KMT2E: variants seen among roughly 807,000 people sequenced by gnomAD.
KMT2E encodes histone reader KMT2E.
In KMT2E, 30 loss-of-function variants were observed where a neutral mutation model predicts 184.6. That is an observed-to-expected ratio of 0.16 (90% CI 0.12 to 0.22). KMT2E has a LOEUF of 0.22. Ranked by LOEUF, KMT2E falls within the 10% of genes least tolerant of loss-of-function variation. The pLI, the probability that KMT2E is intolerant of heterozygous loss-of-function variation, is 1.00. For synonymous variants in KMT2E, 815 were observed against 776.5 expected (o/e 1.05, Z -0.82); for missense variants, 2,023 against 2,237.4 (o/e 0.90, Z 1.93).
In KMT2E at chr7:105,113,293, C is replaced by CAACA; in HGVS notation, c.5538_5541dup (p.Phe1848AsnfsTer22). ...CCAATTCACAGAGCACAGGTGCCAC[C>CAACA]AACATTTCAAAACAATTACCATGGG... is the stretch of plus-strand genomic sequence containing the variant. On this transcript the variant is annotated frameshift_variant, in exon 27 of 27. Coordinates refer to ENST00000311117, the MANE Select transcript of KMT2E (RefSeq NM_182931.3). LOFTEE classifies it high-confidence loss of function. 2 of 1,613,420 alleles carry CAACA rather than the reference C, an allele frequency of 1.2e-6. No homozygotes were observed. The highest frequency in any genetic ancestry group is 8.5e-7 in the Non-Finnish European group (1 of 1,179,434).
chr7:105,106,074 T>C (rs1798886274), intron 19 of KMT2E, 71 bp downstream of exon 19: 2 of 1,370,882 alleles, frequency 1.5e-6, no homozygotes, highest in Non-Finnish European at 2.0e-6. Context: ...ATAACAGGCA[T>C]ATTTCTAGTT....
chr7:105,064,153 T>C (rs1329825030), intron 5 of KMT2E: 136 of 302,886 alleles, frequency 4.5e-4, no homozygotes, highest in Non-Finnish European at 6.2e-4. Context: ...TTGTATCATT[T>C]TTTTTTCTTG....
In KMT2E at chr7:105,113,524, G is replaced by A. The variant is rs1455417854; in HGVS notation, c.*191G>A. On this transcript the variant is annotated 3_prime_UTR_variant, in exon 27 of 27. Coordinates refer to ENST00000311117, the MANE Select transcript of KMT2E (RefSeq NM_182931.3). ...AAAATGTGCTGTTAAGCCAGTATTA[G>A]GTATCTTTATTTTGTAAGTGAACAT... 1.5e-5 allele frequency: 8 copies of A among 543,016 alleles called. No individual in the cohort carries two copies. Among genetic ancestry groups the A allele is most frequent in the Middle Eastern group, 5.1e-4 (1 of 1,964 alleles). The allele number at this position is 543,016 out of a possible 1,614,324, so 33.6% of individuals were successfully genotyped here. A position where few individuals can be genotyped will look rare whatever the true frequency, so the allele number is the denominator to read the frequency against.
At chr7:105,053,312 G>A (rs1156700703) in intron 3 of KMT2E, among the ~76,000 whole-genome samples, 1 of 151,966 alleles carries the variant, frequency 6.6e-6, no homozygotes, top group Non-Finnish European at 1.5e-5. Flanking sequence ...GAGACATAAC[G>A]TAGGAAGAGA....
chr7:105,048,539 C>T (rs1796197560), intron 3 of KMT2E, among the ~76,000 whole-genome samples: 1 of 150,030 alleles, frequency 6.7e-6, no homozygotes, highest in Non-Finnish European at 1.5e-5. Flanking sequence ...TACATTTTCT[C>T]ATTTTTAAAT....
intron 18 of KMT2E, 30 bp downstream of exon 18, chr7:105,105,723 G>C (rs1798870554): frequency 1.3e-6 from 2 of 1,584,332 alleles, no homozygotes; most frequent in Non-Finnish European, 1.7e-6. Context: ...TAAAAATGTA[G>C]AATGAGCCAA....
At chr7:105,107,283 T>G in intron 21 of KMT2E, 61 bp downstream of exon 21, 1 of 1,508,502 alleles carries the variant, frequency 6.6e-7, no homozygotes, top group Non-Finnish European at 9.0e-7. Flanking sequence ...TTGTTTTCCT[T>G]AAATTACTGG....
chr7:105,026,542 T>C (rs928293359), intron 1 of KMT2E, among the ~76,000 whole-genome samples: 2 of 152,214 alleles, frequency 1.3e-5, no homozygotes, highest in Non-Finnish European at 2.9e-5. Flanking sequence ...AACTGATGAT[T>C]GTGTTGGTTA....
intron 12 of KMT2E, among the ~76,000 whole-genome samples, chr7:105,079,954 T>C (rs1797692268): frequency 6.6e-6 from 1 of 151,864 alleles, no homozygotes; most frequent in Non-Finnish European, 1.5e-5. Flanking sequence ...AGTTATCTTC[T>C]CACCTCAGAC....
In KMT2E at chr7:105,111,899, C is replaced by T; in HGVS notation, c.4143C>T (p.Asp1381=). 6.2e-7 allele frequency: 1 copy of T among 1,614,162 alleles called. No homozygotes were observed. The highest frequency in any genetic ancestry group is 8.5e-7 in the Non-Finnish European group (1 of 1,180,022). ...KIFTKPDPQW[D]STVSASEAEN... ...TCACAAAACCAGATCCCCAATGGGACTCCACAGTTAGTGCATCCGAAGCTG... is the reference window on the plus strand; with the variant it reads ...TCACAAAACCAGATCCCCAATGGGATTCCACAGTTAGTGCATCCGAAGCTG... Residue 1381 remains aspartate (D), a synonymous_variant, in exon 27 of 27, where the codon GAC becomes GAT. Transcript: ENST00000311117.
intron 3 of KMT2E, 132 bp from the exon 4 acceptor site, chr7:105,062,032 T>A: frequency 1.6e-6 from 1 of 635,800 alleles, no homozygotes. Flanking sequence ...CTATAGTGTA[T>A]CCACCTGCTG....
chr7:105,019,188 T>C (rs1779589818), intron 1 of KMT2E, among the ~76,000 whole-genome samples: 1 of 152,186 alleles, frequency 6.6e-6, no homozygotes, highest in Admixed American at 6.5e-5. Context: ...TTCATATCTT[T>C]AAGGATAAAA....
At chr7:105,043,686 A>G (rs548249238) in intron 3 of KMT2E, among the ~76,000 whole-genome samples, 25 of 152,220 alleles carry the variant, frequency 1.6e-4, no homozygotes, top group South Asian at 2.1e-4. Context: ...TATCAAATAG[A>G]TTATTGCAAA....
chr7:105,101,768 T>A lies in KMT2E; in HGVS notation c.1888-118T>A, dbSNP rs1798665347. On this transcript the variant is annotated intron_variant, in intron 16 of 26. Transcript: ENST00000311117. Reference sequence around the variant, plus strand: ...ACTATATATTATCTCTGTTCTTTATTATATATCAGAATTCAAAAATTCCAG... The same window carrying A: ...ACTATATATTATCTCTGTTCTTTATAATATATCAGAATTCAAAAATTCCAG... The A allele has an allele frequency of 1.6e-5, 16 of 1,007,858 alleles. No individual in the cohort carries two copies. In the East Asian group the frequency reaches 4.1e-4, roughly 26 times the overall value. 62.4% of individuals were successfully genotyped at this position (1,007,858 alleles called of 1,614,324 possible).
chr7:105,031,264 G>A (rs560963702), intron 1 of KMT2E, among the ~76,000 whole-genome samples: 1 of 151,666 alleles, frequency 6.6e-6, no homozygotes, highest in Admixed American at 6.6e-5. Flanking sequence ...GACTGAGGCA[G>A]GACAATCGCT....
chr7:105,050,843 C>CCT (rs1796308392), intron 3 of KMT2E, among the ~76,000 whole-genome samples: 1 of 151,774 alleles, frequency 6.6e-6, no homozygotes, highest in Non-Finnish European at 1.5e-5. Flanking sequence ...GAGCCTTGTG[C>CCT]CTCAGCCTCC....
chr7:105,027,700 G>A (rs369147986), intron 1 of KMT2E, among the ~76,000 whole-genome samples: 2 of 151,982 alleles, frequency 1.3e-5, no homozygotes, highest in Non-Finnish European at 1.5e-5. Flanking sequence ...TTACATTACT[G>A]TATGAAGAGG....
intron 3 of KMT2E, among the ~76,000 whole-genome samples, chr7:105,041,986 T>C (rs1795901902): frequency 6.6e-6 from 1 of 152,188 alleles, no homozygotes; most frequent in Non-Finnish European, 1.5e-5. Context: ...TTGCATTGTT[T>C]ACAACTGTTC....
chr7:105,076,795 C>T (rs1310286358), intron 9 of KMT2E, among the ~76,000 whole-genome samples, 168 bp from the exon 10 acceptor site: 1 of 151,668 alleles, frequency 6.6e-6, no homozygotes, highest in African/African-American at 2.4e-5. Context: ...TTTATTATTC[C>T]ACATTTCTGG....
Sources: allele counts gnomAD v4.1 joint callset (sites outside exome capture counted in the v4.1 genomes callset), GRCh38; gene constraint gnomAD v4.1.1; transcripts MANE v1.5; gene names NCBI Gene and HGNC (gene_info 2026-07-23, HGNC 2026-07-21).